Variants in DNAJC1 observed in about 807,000 individuals in gnomAD.
The protein encoded by DNAJC1 is DnaJ heat shock protein family (Hsp40) member C1.
DNAJC1 carries 58 observed loss-of-function variants against 76.6 expected under a neutral mutation model. The observed-to-expected ratio is 0.76, with a 90% confidence interval of 0.61 to 0.94. DNAJC1 has a LOEUF of 0.94. Ranked by LOEUF, DNAJC1 falls within the 40% of genes least tolerant of loss-of-function variation. DNAJC1 has a pLI of 0.00. For missense variants in DNAJC1, 689 were observed against 677.3 expected (o/e 1.02, Z -0.19); for synonymous variants, 258 against 267.9 (o/e 0.96, Z 0.36).
chr10:21,856,840 G>A (rs1326605343), intron 8 of DNAJC1, among the ~76,000 whole-genome samples: 5 of 152,076 alleles, frequency 3.3e-5, no homozygotes, highest in South Asian at 2.1e-4. Context: ...GAGTTCAAGC[G>A]ATTCTCCTGC....
intron 8 of DNAJC1, among the ~76,000 whole-genome samples, chr10:21,868,283 C>A (rs188082469): frequency 3.3e-5 from 5 of 151,374 alleles, no homozygotes; most frequent in Non-Finnish European, 7.4e-5. Context: ...CACCACCATG[C>A]CCAGCTAATT....
intron 1 of DNAJC1, among the ~76,000 whole-genome samples, chr10:22,001,324 T>C (rs1838515557): frequency 6.6e-6 from 1 of 152,200 alleles, no homozygotes; most frequent in Non-Finnish European, 1.5e-5. Context: ...TTCTGGTCCC[T>C]GAAAGTCATC....
chr10:21,936,534 A>C (rs1042927135), intron 1 of DNAJC1, among the ~76,000 whole-genome samples: 17 of 152,222 alleles, frequency 1.1e-4, no homozygotes, highest in Non-Finnish European at 2.2e-4. Context: ...CATTATATAC[A>C]TAAAAATGTA....
chr10:21,975,461 A>AGTT (rs1035306476), intron 1 of DNAJC1, among the ~76,000 whole-genome samples: 1 of 152,180 alleles, frequency 6.6e-6, no homozygotes, highest in African/African-American at 2.4e-5. Context: ...AAGGCCTAAC[A>AGTT]ACTGGTAAAC....
chr10:21,967,765 T>G (rs1365129976), intron 1 of DNAJC1, among the ~76,000 whole-genome samples: 1 of 152,178 alleles, frequency 6.6e-6, no homozygotes, highest in African/African-American at 2.4e-5. Context: ...TTCTGCGGAC[T>G]CGAGTTTTCA....
intron 1 of DNAJC1, among the ~76,000 whole-genome samples, chr10:21,972,349 C>T (rs912391206): frequency 1.3e-5 from 2 of 151,872 alleles, no homozygotes; most frequent in Admixed American, 6.6e-5. Context: ...TCAAGAAAGA[C>T]ATTACACAAA....
intron 8 of DNAJC1, among the ~76,000 whole-genome samples, chr10:21,877,205 T>C (rs1056485154): frequency 1.3e-5 from 2 of 151,876 alleles, no homozygotes; most frequent in African/African-American, 4.8e-5. Context: ...GCCTGGGAAA[T>C]TGAGGCTGCA....
intron 1 of DNAJC1, among the ~76,000 whole-genome samples, chr10:21,956,951 C>T (rs1252598921): frequency 6.7e-6 from 1 of 148,912 alleles, no homozygotes; most frequent in East Asian, 2.0e-4. Flanking sequence ...GGCTACAGTG[C>T]AGCGATCTCG....
intron 7 of DNAJC1, among the ~76,000 whole-genome samples, chr10:21,904,210 A>G (rs1013277431): frequency 2.6e-5 from 4 of 152,196 alleles, no homozygotes; most frequent in African/African-American, 9.6e-5. Context: ...ACTAGCACTA[A>G]ATATCAACTG....
At chr10:21,885,011 T>C (rs1314401414) in intron 7 of DNAJC1, among the ~76,000 whole-genome samples, 1 of 152,056 alleles carries the variant, frequency 6.6e-6, no homozygotes, top group Admixed American at 6.6e-5. Flanking sequence ...AATCCACACA[T>C]ATCAATACTA....
intron 8 of DNAJC1, among the ~76,000 whole-genome samples, chr10:21,866,701 A>G (rs1018618017): frequency 1.3e-5 from 2 of 152,144 alleles, no homozygotes; most frequent in Non-Finnish European, 2.9e-5. Flanking sequence ...TGGCATATAT[A>G]TAATTCTGAA....
intron 8 of DNAJC1, among the ~76,000 whole-genome samples, chr10:21,874,396 C>T (rs1375126183): frequency 6.6e-6 from 1 of 150,968 alleles, no homozygotes; most frequent in Admixed American, 6.6e-5. Flanking sequence ...CTCCAGCAGC[C>T]TGGGCAACAG....
At chr10:21,835,819 G>C (rs1432271043) in intron 8 of DNAJC1, among the ~76,000 whole-genome samples, 1 of 152,192 alleles carries the variant, frequency 6.6e-6, no homozygotes, top group Non-Finnish European at 1.5e-5. Context: ...AGAAATATGG[G>C]ACCATGTGAA....
intron 7 of DNAJC1, among the ~76,000 whole-genome samples, chr10:21,903,688 A>G (rs1836696887): frequency 6.6e-6 from 1 of 152,170 alleles, no homozygotes; most frequent in African/African-American, 2.4e-5. Flanking sequence ...AGACACCTGA[A>G]GGATTGTGAT....
intron 1 of DNAJC1, among the ~76,000 whole-genome samples, chr10:21,976,177 T>C (rs552722115): frequency 6.3e-4 from 96 of 152,324 alleles, no homozygotes; most frequent in African/African-American, 2.2e-3. Flanking sequence ...TGTATTCATC[T>C]TCCTGATTCC....
At chr10:21,794,052 A>G (rs975798975) in intron 9 of DNAJC1, among the ~76,000 whole-genome samples, 3 of 152,204 alleles carry the variant, frequency 2.0e-5, no homozygotes, top group Non-Finnish European at 4.4e-5. Flanking sequence ...AGGCGGGAGG[A>G]TCGCTTGAGG....
chr10:21,831,661 G>A (rs1835358005), intron 8 of DNAJC1, among the ~76,000 whole-genome samples: 1 of 151,926 alleles, frequency 6.6e-6, no homozygotes, highest in Non-Finnish European at 1.5e-5. Context: ...ATGGTGGCAG[G>A]CGCCTGTAGT....
chr10:21,813,920 G>A (rs568276407), intron 8 of DNAJC1, among the ~76,000 whole-genome samples: 1 of 152,302 alleles, frequency 6.6e-6, no homozygotes, highest in South Asian at 2.1e-4. Context: ...GCTGCTGTGA[G>A]TAATAAACTG....
intron 7 of DNAJC1, among the ~76,000 whole-genome samples, chr10:21,897,422 A>G (rs1483206410): frequency 6.6e-6 from 1 of 152,168 alleles, no homozygotes; most frequent in African/African-American, 2.4e-5. Flanking sequence ...AATGCTCAGA[A>G]AACTAGGAAT....
Sources: gnomAD v4.1 joint callset for allele counts (sites outside exome capture counted in the v4.1 genomes callset) on GRCh38, gnomAD v4.1.1 for gene constraint, MANE v1.5 for transcripts, NCBI Gene and HGNC (gene_info 2026-07-23, HGNC 2026-07-21) for gene names.